Variants in LDB2 observed in about 807,000 individuals in gnomAD.
LDB2 encodes the protein LIM domain binding 2, also known as LIM domain-binding protein 2.
A neutral mutation model predicts 44.3 loss-of-function variants in LDB2; 12 were observed. That is an observed-to-expected ratio of 0.27 (90% CI 0.17 to 0.44). LDB2 has a LOEUF of 0.44. Ranked by LOEUF, LDB2 falls within the 20% of genes least tolerant of loss-of-function variation. The pLI is 1.00. For synonymous variants in LDB2, 164 were observed against 174.8 expected (o/e 0.94, Z 0.49); for missense variants, 344 against 473.5 (o/e 0.73, Z 2.54).
intron 5 of LDB2, among the ~76,000 whole-genome samples, chr4:16,555,541 C>A (rs1432813446): frequency 1.3e-5 from 2 of 152,172 alleles, no homozygotes; most frequent in Admixed American, 6.5e-5. Flanking sequence ...CCAGAATACA[C>A]CATGTTCCTT....
At chr4:16,715,007 G>T (rs1756778815) in intron 2 of LDB2, among the ~76,000 whole-genome samples, 1 of 151,862 alleles carries the variant, frequency 6.6e-6, no homozygotes, top group South Asian at 2.1e-4. Context: ...TTTTTTTGGG[G>T]GCACAGTCAA....
chr4:16,893,518 C>A (rs533993796), intron 1 of LDB2, among the ~76,000 whole-genome samples: 1 of 151,130 alleles, frequency 6.6e-6, no homozygotes, highest in African/African-American at 2.4e-5. Flanking sequence ...TCCCCCTCCT[C>A]CCCACCCCCT....
chr4:16,621,342 C>T (rs550659269), intron 2 of LDB2, among the ~76,000 whole-genome samples: 1 of 152,168 alleles, frequency 6.6e-6, no homozygotes, highest in South Asian at 2.1e-4. Flanking sequence ...CTGTCTTGGT[C>T]CCAGAGGGTA....
Position 16,721,990 on chromosome 4 carries a change from A to T in LDB2, c.235+37168T>A, listed in dbSNP as rs148478341. ...ATAAAAAATTAAAATACCATAAACTAATTTAAGACAGAATGAAATGCTGTG... is the reference window on the plus strand; with the variant it reads ...ATAAAAAATTAAAATACCATAAACTTATTTAAGACAGAATGAAATGCTGTG... On this transcript the variant is annotated intron_variant, in intron 2 of 7. Coordinates refer to ENST00000304523, the MANE Select transcript of LDB2 (RefSeq NM_001290.5). Among the ~76,000 whole-genome samples the T allele has an allele frequency of 3.2e-3, 480 of 152,322 alleles. 1 individual carries two copies. The highest frequency in any genetic ancestry group is 5.6e-3 in the South Asian group (27 of 4,828).
intron 1 of LDB2, among the ~76,000 whole-genome samples, chr4:16,781,412 AG>A (rs1165641564): frequency 6.6e-6 from 1 of 152,188 alleles, no homozygotes; most frequent in African/African-American, 2.4e-5. Context: ...TAGAAAATAA[AG>A]TCAGAGCAGA....
chr4:16,883,639 C>A (rs779407984), intron 1 of LDB2, among the ~76,000 whole-genome samples: 1 of 152,224 alleles, frequency 6.6e-6, no homozygotes, highest in African/African-American at 2.4e-5. Context: ...GGTTTCACCG[C>A]TTCTTGCCTT....
chr4:16,563,032 C>T (rs1742996286), intron 5 of LDB2, among the ~76,000 whole-genome samples: 1 of 149,174 alleles, frequency 6.7e-6, no homozygotes, highest in East Asian at 2.0e-4. Context: ...CACATGGACA[C>T]AGGAAGGGGA....
intron 2 of LDB2, among the ~76,000 whole-genome samples, chr4:16,597,650 G>A (rs909719705): frequency 7.9e-5 from 12 of 152,106 alleles, no homozygotes; most frequent in African/African-American, 2.4e-4. Context: ...GCAGATGTAG[G>A]CCAAAGAATT....
chr4:16,592,505 T>TATATATATATATATACACACAC (rs757702164), intron 3 of LDB2, among the ~76,000 whole-genome samples: 1 of 108,056 alleles, frequency 9.3e-6, no homozygotes, highest in African/African-American at 3.8e-5. Flanking sequence ...TATATATATA[T>TATATATATATATATACACACAC]ACACACACAC....
chr4:16,875,656 C>T (rs564745210), intron 1 of LDB2, among the ~76,000 whole-genome samples: 12 of 152,270 alleles, frequency 7.9e-5, no homozygotes, highest in Admixed American at 2.6e-4. Flanking sequence ...GGAGGCATGA[C>T]GGTTATTCTC....
At chr4:16,861,207 CAA>C (rs1416469880) in intron 1 of LDB2, among the ~76,000 whole-genome samples, 1 of 152,126 alleles carries the variant, frequency 6.6e-6, no homozygotes, top group African/African-American at 2.4e-5. Context: ...CCAAACTGAT[CAA>C]AAGAGATGAA....
rs183291831 is a variant in LDB2 at position 16,776,558 on chromosome 4, G to A, written c.133-17298C>T. 2.0e-4 allele frequency among the ~76,000 whole-genome samples: 30 copies of A among 152,318 alleles called. No homozygotes were observed. In the East Asian group the frequency reaches 5.6e-3, roughly 28 times the overall value. ...TACCTAGGACTCTGAATTCATTCGT[G>A]CATTCAGAAATATGCAGTGAGCGCC... On this transcript the variant is annotated intron_variant, in intron 1 of 7. Transcript: ENST00000304523.
chr4:16,719,145 T>C (rs1008422494), intron 2 of LDB2, among the ~76,000 whole-genome samples: 7 of 152,014 alleles, frequency 4.6e-5, no homozygotes, highest in Admixed American at 3.9e-4. Flanking sequence ...TTTTATAAAT[T>C]GCTTGATTTT....
intron 2 of LDB2, among the ~76,000 whole-genome samples, chr4:16,624,825 A>T (rs922747341): frequency 6.6e-6 from 1 of 152,258 alleles, no homozygotes; most frequent in Non-Finnish European, 1.5e-5. Flanking sequence ...AGGCTAAAAA[A>T]GTACAATTTA....
intron 5 of LDB2, among the ~76,000 whole-genome samples, chr4:16,540,226 A>G (rs1352330764): frequency 6.6e-6 from 1 of 152,030 alleles, no homozygotes; most frequent in Non-Finnish European, 1.5e-5. Context: ...GTGGGGACAC[A>G]AATCCAAACC....
At chr4:16,845,460 TC>T (rs1786789721) in intron 1 of LDB2, among the ~76,000 whole-genome samples, 1 of 152,206 alleles carries the variant, frequency 6.6e-6, no homozygotes, top group Non-Finnish European at 1.5e-5. Context: ...TCTCTTGCCT[TC>T]CTACGGCAGG....
In LDB2 at chr4:16,821,679, G is replaced by A. The variant is rs559075738; in HGVS notation, c.133-62419C>T. 6.5e-5 allele frequency among the ~76,000 whole-genome samples: 9 copies of A among 138,918 alleles called. No homozygotes were observed. The South Asian group carries it at 7.3e-4, about 11-fold the overall frequency. 91.1% of individuals were successfully genotyped at this position (138,918 alleles called of 152,430 possible). On this transcript the variant is annotated intron_variant, in intron 1 of 7. Transcript: ENST00000304523. ...GCTGGGATTACAGGCGTGAGCCACC[G>A]CGCCCGGCCGGAATATTTGAATTTT...
intron 5 of LDB2, among the ~76,000 whole-genome samples, chr4:16,563,652 G>A (rs1041715557): frequency 6.6e-6 from 1 of 150,708 alleles, no homozygotes; most frequent in Non-Finnish European, 1.5e-5. Flanking sequence ...TAGAGACCGG[G>A]TTTCACCATG....
chr4:16,723,042 G>A (rs373201808), intron 2 of LDB2, among the ~76,000 whole-genome samples: 242 of 152,216 alleles, frequency 1.6e-3, no homozygotes, highest in African/African-American at 4.5e-3. Context: ...TGGGTTTTCC[G>A]GATGTAACTC....
Sources: gnomAD v4.1 joint callset for allele counts (sites outside exome capture counted in the v4.1 genomes callset) on GRCh38, gnomAD v4.1.1 for gene constraint, MANE v1.5 for transcripts, NCBI Gene and HGNC (gene_info 2026-07-23, HGNC 2026-07-21) for gene names.